Variants in OSBPL6 observed in about 807,000 individuals in gnomAD.
OSBPL6 encodes oxysterol-binding protein-related protein 6.
OSBPL6 carries 49 observed loss-of-function variants against 125.8 expected under a neutral mutation model. The ratio of observed to expected loss-of-function variants is 0.39; its 90% CI spans 0.31 to 0.49. OSBPL6 has a LOEUF of 0.49. OSBPL6 is among the 20% of genes least tolerant of loss of function. OSBPL6 has a pLI of 0.88. For synonymous variants in OSBPL6, 394 were observed against 391.8 expected, an observed-to-expected ratio of 1.01 and a Z score of -0.07; for missense variants, 986 against 1,135.4, an observed-to-expected ratio of 0.87 and a Z score of 1.89.
Position 178,255,596 on chromosome 2 carries a change from G to A in OSBPL6, c.-350-29331G>A, listed in dbSNP as rs143618636. ...TTCCACTGGCTGAGACTCTCTAAGC[G>A]TTTTTCTCCATTGATTCAGCCATTG... On this transcript the variant is annotated intron_variant, in intron 1 of 24. Coordinates refer to ENST00000190611, the MANE Select transcript of OSBPL6 (RefSeq NM_032523.4). Among the ~76,000 whole-genome samples, 113 of 152,276 alleles carry A rather than the reference G, an allele frequency of 7.4e-4. No individual in the cohort carries two copies. In the East Asian group the frequency reaches 0.017, roughly 23 times the overall value.
chr2:178,378,963 G>A (rs1408082009), intron 15 of OSBPL6, among the ~76,000 whole-genome samples: 1 of 151,994 alleles, frequency 6.6e-6, no homozygotes, highest in Non-Finnish European at 1.5e-5. Context: ...CCAGGAGTTT[G>A]AGACCAGCCC....
At chr2:178,322,047 A>G (rs1186848799) in intron 3 of OSBPL6, among the ~76,000 whole-genome samples, 3 of 152,190 alleles carry the variant, frequency 2.0e-5, no homozygotes, top group African/African-American at 7.2e-5. Flanking sequence ...CATCTTAAGT[A>G]TCCCCTCGTA....
intron 3 of OSBPL6, among the ~76,000 whole-genome samples, chr2:178,307,354 C>T (rs1433476282): frequency 2.6e-5 from 4 of 152,126 alleles, no homozygotes; most frequent in African/African-American, 9.7e-5. Context: ...GCAAGAAATT[C>T]CAGGAGAATC....
At chr2:178,257,560 T>G (rs2091925120) in intron 1 of OSBPL6, among the ~76,000 whole-genome samples, 1 of 152,250 alleles carries the variant, frequency 6.6e-6, no homozygotes. Flanking sequence ...CTCATTACTA[T>G]GAATTTGCTA....
Position 178,255,106 on chromosome 2 carries a change from C to T in OSBPL6, c.-350-29821C>T, listed in dbSNP as rs146598180. 4.7e-3 allele frequency among the ~76,000 whole-genome samples: 713 copies of T among 152,332 alleles called. 7 individuals carry two copies. Among genetic ancestry groups the T allele is most frequent in the Non-Finnish European group, 5.5e-3 (376 of 68,028 alleles). On this transcript the variant is annotated intron_variant, in intron 1 of 24. Coordinates refer to ENST00000190611, the MANE Select transcript of OSBPL6 (RefSeq NM_032523.4). ...ATCACCTGAGGTCAGGAGTTCAAGA[C>T]CAGCTAGGCCAGCATGGCAAAACCC...
At chr2:178,272,700 G>A (rs2092396289) in intron 1 of OSBPL6, among the ~76,000 whole-genome samples, 1 of 152,154 alleles carries the variant, frequency 6.6e-6, no homozygotes, top group Admixed American at 6.5e-5. Flanking sequence ...TCTTTCTTCA[G>A]CAAAACTTGT....
chr2:178,197,978 G>A (rs767403134), intron 1 of OSBPL6, among the ~76,000 whole-genome samples: 6 of 152,236 alleles, frequency 3.9e-5, no homozygotes, highest in Non-Finnish European at 7.3e-5. Flanking sequence ...TGAGCAGGAA[G>A]TGGTCATGCT....
chr2:178,241,206 T>C (rs574947831), intron 1 of OSBPL6, among the ~76,000 whole-genome samples: 1 of 151,836 alleles, frequency 6.6e-6, no homozygotes, highest in Admixed American at 6.6e-5. Flanking sequence ...TCTGGACTCC[T>C]GGGTTCAAGC....
chr2:178,332,908 A>G lies in OSBPL6; in HGVS notation c.524A>G (p.Lys175Arg). Residue 175 changes from lysine to arginine, a missense_variant, in exon 8 of 25, where the codon AAA becomes AGA. Around this residue, in one of 3 missense-constraint regions of OSBPL6, gnomAD observed 843 missense variants for 997.3 expected, o/e 0.85. Coordinates refer to ENST00000190611, the MANE Select transcript of OSBPL6 (RefSeq NM_032523.4). ...SQDWFDAWVS[K>R]LRHHRLYRQN... ...GACTGGTTTGATGCATGGGTCTCCA[A>G]ACTGCGACATCATCGGTTGTATCGT... 6.2e-7 allele frequency: 1 copy of G among 1,613,904 alleles called. No homozygotes were observed. Among genetic ancestry groups the G allele is most frequent in the South Asian group, 1.1e-5 (1 of 91,074 alleles).
chr2:178,344,602 AT>A (rs1449270513), intron 11 of OSBPL6, among the ~76,000 whole-genome samples: 6 of 152,160 alleles, frequency 3.9e-5, no homozygotes, highest in Non-Finnish European at 8.8e-5. Context: ...TGAAGACATA[AT>A]TTAAGTCAAA....
chr2:178,349,622 A>G (rs533880287), intron 12 of OSBPL6, among the ~76,000 whole-genome samples: 1 of 152,330 alleles, frequency 6.6e-6, no homozygotes, highest in East Asian at 1.9e-4. Context: ...GGGGTTGGGG[A>G]TAAAAAGTTA....
At chr2:178,248,616 C>G (rs1426111414) in intron 1 of OSBPL6, among the ~76,000 whole-genome samples, 1 of 152,134 alleles carries the variant, frequency 6.6e-6, no homozygotes, top group African/African-American at 2.4e-5. Flanking sequence ...GCAAAAGTGT[C>G]TGGTTCCTTT....
chr2:178,307,154 C>A (rs1403626589), intron 3 of OSBPL6, among the ~76,000 whole-genome samples: 1 of 152,082 alleles, frequency 6.6e-6, no homozygotes, highest in African/African-American at 2.4e-5. Context: ...CACCCCTCAC[C>A]CCCTGTTTTA....
At chr2:178,285,283 T>C (rs1351850682) in intron 2 of OSBPL6, among the ~76,000 whole-genome samples, 162 bp downstream of exon 2, 3 of 152,174 alleles carry the variant, frequency 2.0e-5, no homozygotes, top group Non-Finnish European at 4.4e-5. Context: ...ATAATCCTTA[T>C]AATAAAAAGT....
intron 2 of OSBPL6, among the ~76,000 whole-genome samples, chr2:178,296,892 G>A (rs1195403875): frequency 6.6e-6 from 1 of 152,170 alleles, no homozygotes; most frequent in African/African-American, 2.4e-5. Flanking sequence ...GTAGAATTTT[G>A]GACATCCTGA....
At chr2:178,341,964 C>A (rs922371804) in intron 11 of OSBPL6, among the ~76,000 whole-genome samples, 1 of 152,096 alleles carries the variant, frequency 6.6e-6, no homozygotes, top group African/African-American at 2.4e-5. Context: ...AAAATCTTTA[C>A]TCAGTATTTT....
chr2:178,394,367 G>A lies in OSBPL6; in HGVS notation c.2628G>A (p.Glu876=), dbSNP rs369599097. Residue 876 remains glutamate (E), a synonymous_variant, in exon 24 of 25, where the codon GAG becomes GAA. Transcript: ENST00000190611. ...EAAASEKQRV[E]ELQRSRRRYM... is the part of the protein sequence containing the mutation. ...CAGCATCAGAGAAGCAAAGAGTAGA[G>A]GAACTCCAGAGATCTCGGAGACGAT... 6 of 1,613,342 alleles carry A rather than the reference G, an allele frequency of 3.7e-6. No individual in the cohort carries two copies. In the African/African-American group the frequency reaches 6.7e-5, roughly 18 times the overall value.
At chr2:178,362,492 T>C (rs1168440395) in intron 13 of OSBPL6, among the ~76,000 whole-genome samples, 2 of 152,246 alleles carry the variant, frequency 1.3e-5, no homozygotes, top group Non-Finnish European at 1.5e-5. Flanking sequence ...GTATTTTCTT[T>C]AGTCTATAAA....
chr2:178,245,436 A>T (rs1418201458), intron 1 of OSBPL6, among the ~76,000 whole-genome samples: 1 of 152,202 alleles, frequency 6.6e-6, no homozygotes, highest in South Asian at 2.1e-4. Context: ...TGATGTTTTC[A>T]CTGTGTAGTG....
Sources: allele counts gnomAD v4.1 joint callset (sites outside exome capture counted in the v4.1 genomes callset), GRCh38; gene constraint gnomAD v4.1.1; regional missense constraint gnomAD v4.1.1; transcripts MANE v1.5; gene names NCBI Gene and HGNC (gene_info 2026-07-23, HGNC 2026-07-21).